UACA: variants seen among roughly 807,000 people sequenced by gnomAD.
UACA encodes the protein uveal autoantigen with coiled-coil domains and ankyrin repeats.
Under a neutral mutation model 160.5 loss-of-function variants are expected in UACA, and 112 were observed. The observed-to-expected ratio is 0.70, with a 90% CI of 0.60 to 0.82. UACA has a LOEUF of 0.82. UACA is among the 40% of genes least tolerant of loss of function. The pLI, the probability that UACA is intolerant of heterozygous loss-of-function variation, is 0.00. For synonymous variants in UACA, 557 were observed against 568.4 expected (o/e 0.98, Z 0.29); for missense variants, 1,574 against 1,614.6 (o/e 0.97, Z 0.43).
chr15:70,699,769 A>G, intron 1 of UACA, 109 bp from the exon 2 acceptor site: 2 of 1,218,758 alleles, frequency 1.6e-6, no homozygotes, highest in Non-Finnish European at 2.2e-6. Context: ...TACATCACTT[A>G]TTTTCCAGTT....
intron 1 of UACA, chr15:70,754,097 C>T (rs540191987): frequency 3.9e-5 from 18 of 455,896 alleles, no homozygotes; most frequent in African/African-American, 1.8e-4. Context: ...TGAGCCACTA[C>T]GCCCAGCCTA....
rs771224543 is a variant in UACA, at chr15:70,742,905, T to C, written c.78+20425A>G. 6.5e-4 allele frequency among the ~76,000 whole-genome samples: 99 copies of C among 152,198 alleles called. 2 individuals carry two copies. The highest frequency in any genetic ancestry group is 3.7e-3 in the Admixed American group (57 of 15,272). Reference sequence around the variant, plus strand: ...ACAACATTTATTTAAAATTTTTCAGTTCTGTAGGTCAGAAGTTTAGGTGGA... The same window carrying C: ...ACAACATTTATTTAAAATTTTTCAGCTCTGTAGGTCAGAAGTTTAGGTGGA... On this transcript the variant is annotated intron_variant, in intron 1 of 18. Coordinates refer to ENST00000322954, the MANE Select transcript of UACA (RefSeq NM_018003.4).
intron 1 of UACA, among the ~76,000 whole-genome samples, chr15:70,757,430 G>A (rs1185118592): frequency 1.3e-5 from 2 of 152,150 alleles, no homozygotes; most frequent in Admixed American, 6.5e-5. Context: ...TTCATTAGGA[G>A]CTGTAAAGTT....
chr15:70,743,135 T>C (rs924576019), intron 1 of UACA, among the ~76,000 whole-genome samples: 2 of 152,212 alleles, frequency 1.3e-5, no homozygotes, highest in African/African-American at 4.8e-5. Flanking sequence ...ACCTCTCACA[T>C]TTCTTCTCAC....
At position 70,666,865 on chromosome 15, in the gene UACA, A is replaced by T. The variant is rs760836364; in HGVS notation, c.3819T>A (p.Asp1273Glu). 6.2e-7 allele frequency: 1 copy of T among 1,613,864 alleles called. No individual in the cohort carries two copies. The highest frequency in any genetic ancestry group is 8.5e-7 in the Non-Finnish European group (1 of 1,179,944). ...HAKKKEISAKDEKELLHFSIE... is the reference protein window; with the variant it reads ...HAKKKEISAKEEKELLHFSIE... ...TGCTGAAATGCAGTAATTCCTTCTC[A>T]TCTTTTGCAGATATTTCCTTCTTTT... is the stretch of plus-strand genomic sequence containing the variant. The change falls in exon 16 of 19, where the codon GAT becomes GAA. Residue 1273 changes from aspartate (D) to glutamate (E), a missense_variant. Physicochemically the swap from Asp to Glu is conservative, Grantham distance 45. Coordinates refer to ENST00000322954, the MANE Select transcript of UACA (RefSeq NM_018003.4).
chr15:70,669,504 A>G lies in UACA; in HGVS notation c.1222-42T>C, dbSNP rs750143047. On this transcript the variant is annotated intron_variant, in intron 15 of 18. Coordinates refer to ENST00000322954, the MANE Select transcript of UACA (RefSeq NM_018003.4). ...AAAGACATCAATCACAAAAGCCTAA[A>G]TGAGACATTTACTATACTTATTTGC... 4.1e-6 allele frequency: 6 copies of G among 1,456,380 alleles called. No homozygotes were observed. In the East Asian group the frequency reaches 1.4e-4, roughly 34 times the overall value. 90.2% of individuals were successfully genotyped at this position (1,456,380 alleles called of 1,614,324 possible). A position where few individuals can be genotyped will look rare whatever the true frequency, so the allele number is the denominator to read the frequency against.
In UACA at chr15:70,674,760, G is replaced by A. The variant is rs1897256203; in HGVS notation, c.1131+1733C>T. 3.3e-5 allele frequency among the ~76,000 whole-genome samples: 5 copies of A among 152,172 alleles called. 1 individual carries two copies. In the South Asian group the frequency reaches 8.3e-4, roughly 25 times the overall value. On this transcript the variant is annotated intron_variant, in intron 13 of 18. Coordinates refer to ENST00000322954, the MANE Select transcript of UACA (RefSeq NM_018003.4). ...TTACAGGCATGTGCCACCACGCCCT[G>A]CTAATTTTTGTATTTTTCGTAAAGA...
chr15:70,754,603 A>G (rs574741805), intron 1 of UACA, among the ~76,000 whole-genome samples: 19 of 152,324 alleles, frequency 1.2e-4, no homozygotes, highest in African/African-American at 3.8e-4. Flanking sequence ...TAAAAATACA[A>G]CTCATCGATC....
intron 3 of UACA, among the ~76,000 whole-genome samples, chr15:70,692,657 C>T (rs1595892420): frequency 6.6e-6 from 1 of 151,986 alleles, no homozygotes; most frequent in Non-Finnish European, 1.5e-5. Context: ...GTAGTCCCAG[C>T]GACTCAGAAG....
At chr15:70,767,270 C>T (rs866476241), upstream of UACA, among the ~76,000 whole-genome samples, 2 of 100,248 alleles carry the variant, frequency 2.0e-5, 1 homozygote, top group Non-Finnish European at 3.8e-5. Context: ...AAAACAAAAA[C>T]AAAAACAACA....
intron 1 of UACA, among the ~76,000 whole-genome samples, chr15:70,761,530 A>G (rs527977684): frequency 3.3e-5 from 5 of 152,180 alleles, no homozygotes; most frequent in Non-Finnish European, 7.3e-5. Context: ...TATTCTATCA[A>G]TGCTTGGTTT....
chr15:70,725,697 C>T (rs1899123652), intron 1 of UACA, among the ~76,000 whole-genome samples: 1 of 151,820 alleles, frequency 6.6e-6, no homozygotes, highest in Non-Finnish European at 1.5e-5. Flanking sequence ...ATCATTGAAC[C>T]AAAAAATAAA....
intron 1 of UACA, among the ~76,000 whole-genome samples, chr15:70,726,394 A>G (rs1899145965): frequency 6.6e-6 from 1 of 152,200 alleles, no homozygotes; most frequent in Non-Finnish European, 1.5e-5. Flanking sequence ...TTAAAAAAAA[A>G]TGTAAACAGC....
chr15:70,668,678 CTCTT>C lies in UACA; in HGVS notation c.2002_2005del (p.Lys668GlufsTer26), dbSNP rs1217943474. On this transcript the variant is annotated frameshift_variant, in exon 16 of 19. Coordinates refer to ENST00000322954, the MANE Select transcript of UACA (RefSeq NM_018003.4). LOFTEE classifies it high-confidence loss of function. ...CTTGGCCTTAACATTCTCAAGTTCT[CTCTT>C]TAACTGTCTAATTTCACTAAGTGAT... 1.9e-6 allele frequency: 3 copies of C among 1,613,972 alleles called. No homozygotes were observed. Among genetic ancestry groups the C allele is most frequent in the African/African-American group, 2.7e-5 (2 of 74,928 alleles).
chr15:70,667,520 T>C lies in UACA; in HGVS notation c.3164A>G (p.His1055Arg). Residue 1055 changes from histidine to arginine, a missense_variant, in exon 16 of 19, where the codon CAT (histidine) becomes CGT (arginine). Physicochemically the swap from His to Arg is conservative, Grantham distance 29. Transcript: ENST00000322954. ...RDKTVLIEKS[H>R]EMERALSRKT... ...TCTGCTTAATGCTCTTTCCATTTCATGAGACTTCTCAATGAGAACTGTCTT... is the reference window on the plus strand; with the variant it reads ...TCTGCTTAATGCTCTTTCCATTTCACGAGACTTCTCAATGAGAACTGTCTT... 6.2e-7 allele frequency: 1 copy of C among 1,612,854 alleles called. No individual in the cohort carries two copies. Among genetic ancestry groups the C allele is most frequent in the South Asian group, 1.1e-5 (1 of 90,972 alleles).
rs539159431 is a variant in UACA at position 70,724,515 on chromosome 15, C to T, written c.79-24855G>A. Reference sequence around the variant, plus strand: ...TTTGCTTTCTGTAGCAAATATCTAACTGAAAATGTGTCTGAAAATGGAGTG... The same window carrying T: ...TTTGCTTTCTGTAGCAAATATCTAATTGAAAATGTGTCTGAAAATGGAGTG... On this transcript the variant is annotated intron_variant, in intron 1 of 18. Transcript: ENST00000322954. Among the ~76,000 whole-genome samples the T allele has an allele frequency of 8.5e-5, 13 of 152,142 alleles. No homozygotes were observed. The South Asian group carries it at 2.7e-3, about 32-fold the overall frequency.
chr15:70,743,899 C>A (rs1028496923), intron 1 of UACA, among the ~76,000 whole-genome samples: 1 of 152,026 alleles, frequency 6.6e-6, no homozygotes, highest in Non-Finnish European at 1.5e-5. Flanking sequence ...GGTAAATAGG[C>A]CAAATGAAAA....
Position 70,667,576 on chromosome 15 carries a change from C to G in UACA, c.3108G>C (p.Glu1036Asp). 1 of 1,613,010 alleles carries G rather than the reference C, an allele frequency of 6.2e-7. No individual in the cohort carries two copies. The highest frequency in any genetic ancestry group is 8.5e-7 in the Non-Finnish European group (1 of 1,179,954). Residue 1036 changes from glutamate to aspartate, a missense_variant, in exon 16 of 19, where the codon GAG becomes GAC. Coordinates refer to ENST00000322954, the MANE Select transcript of UACA (RefSeq NM_018003.4). ...TCAAATCTTTCTGAAGGGTAAAAAT[C>G]TCCTTCTTTAACTTGTCATTCTCTT... ...NKQENDKLKK[E>D]IFTLQKDLRD...
rs1219819423 is a variant in UACA at position 70,699,699 on chromosome 15, C to T, written c.79-39G>A. 1.9e-6 allele frequency: 3 copies of T among 1,596,744 alleles called. No homozygotes were observed. In the South Asian group the frequency reaches 3.4e-5, roughly 18 times the overall value. ...AAAAAAAAGTAAATATGGCATACTA[C>T]ATTAGTTAAGATTTTTCTAAAGAAA... On this transcript the variant is annotated intron_variant, in intron 1 of 18. Coordinates refer to ENST00000322954, the MANE Select transcript of UACA (RefSeq NM_018003.4).
Sources: allele counts gnomAD v4.1 joint callset (sites outside exome capture counted in the v4.1 genomes callset), GRCh38; gene constraint gnomAD v4.1.1; transcripts MANE v1.5; gene names NCBI Gene and HGNC (gene_info 2026-07-23, HGNC 2026-07-21).